Variants in SNX14 observed in about 807,000 individuals in gnomAD.
The protein encoded by SNX14 is sorting nexin-14.
Under a neutral mutation model 133.8 loss-of-function variants are expected in SNX14, and 93 were observed. The observed-to-expected ratio is 0.70, with a 90% CI of 0.59 to 0.83. The LOEUF is 0.83. SNX14 is among the 40% of genes least tolerant of loss of function. The pLI, the probability that SNX14 is intolerant of heterozygous loss-of-function variation, is 0.00. For synonymous variants in SNX14, 368 were observed against 365.6 expected (o/e 1.01, Z -0.07); for missense variants, 945 against 1,094.9 (o/e 0.86, Z 1.93).
chr6:85,527,881 A>C (rs1309642606), intron 20 of SNX14, among the ~76,000 whole-genome samples: 1 of 152,148 alleles, frequency 6.6e-6, no homozygotes, highest in African/African-American at 2.4e-5. Context: ...AAAAAGCTAA[A>C]CACAAAAATC....
In SNX14 at chr6:85,593,700, T is replaced by TCC. The variant is rs755497167; in HGVS notation, c.17_18dup (p.Thr7GlyfsTer7). ...CGCTGCTTCAGCTTCTGCCCCATCG[T>TCC]CCGCACCCAGGGCACCATCTCCGTA... On this transcript the variant is annotated frameshift_variant, in exon 1 of 29. Transcript: ENST00000314673. LOFTEE classifies it high-confidence loss of function. The TCC allele has an allele frequency of 2.5e-6, 4 of 1,613,528 alleles. No homozygotes were observed. The highest frequency in any genetic ancestry group is 3.4e-6 in the Non-Finnish European group (4 of 1,179,934).
At chr6:85,557,747 A>C (rs988566514) in intron 7 of SNX14, among the ~76,000 whole-genome samples, 1 of 152,240 alleles carries the variant, frequency 6.6e-6, no homozygotes, top group African/African-American at 2.4e-5. Flanking sequence ...TTACCATTCA[A>C]AACTGATTAA....
chr6:85,580,112 A>G (rs1798585854), intron 1 of SNX14, among the ~76,000 whole-genome samples: 1 of 152,162 alleles, frequency 6.6e-6, no homozygotes, highest in Non-Finnish European at 1.5e-5. Flanking sequence ...GAGAGGGGAA[A>G]GTAAAGATAA....
intron 26 of SNX14, among the ~76,000 whole-genome samples, chr6:85,508,671 TG>T (rs1238849109): frequency 1.3e-5 from 2 of 152,164 alleles, no homozygotes; most frequent in East Asian, 3.8e-4. Context: ...CCAATCATTT[TG>T]GGAAATATAA....
intron 1 of SNX14, 45 bp from the exon 2 acceptor site, chr6:85,574,423 T>C (rs1188842611): frequency 3.6e-6 from 5 of 1,384,696 alleles, no homozygotes; most frequent in Non-Finnish European, 4.9e-6. Flanking sequence ...AGAAAATGCC[T>C]AATTCTAAGT....
intron 27 of SNX14, 27 bp downstream of exon 27, chr6:85,507,941 G>T: frequency 6.3e-7 from 1 of 1,591,996 alleles, no homozygotes; most frequent in South Asian, 1.1e-5. Context: ...TAGCCAGCAT[G>T]AGTTTACGAG....
At chr6:85,541,919 A>G (rs1783879127) in intron 15 of SNX14, 66 bp downstream of exon 15, 2 of 1,207,680 alleles carry the variant, frequency 1.7e-6, no homozygotes, top group South Asian at 3.0e-5. Flanking sequence ...AATAGCTAAT[A>G]AAGACAATGA....
At chr6:85,548,976 T>TA (rs200157563) in intron 8 of SNX14, among the ~76,000 whole-genome samples, 18 of 61,370 alleles carry the variant, frequency 2.9e-4, no homozygotes, top group South Asian at 6.5e-4. Context: ...CAAAAATAAT[T>TA]AAAAAAAAAA....
chr6:85,546,172 A>C (rs1349419086), intron 12 of SNX14, among the ~76,000 whole-genome samples: 1 of 151,986 alleles, frequency 6.6e-6, no homozygotes, highest in African/African-American at 2.4e-5. Context: ...GAAAGAGTGG[A>C]TCTCTTGGGA....
At chr6:85,542,095 A>G in intron 14 of SNX14, 52 bp from the exon 15 acceptor site, 1 of 1,248,198 alleles carries the variant, frequency 8.0e-7, no homozygotes, top group Non-Finnish European at 1.1e-6. Flanking sequence ...AATTAACATT[A>G]AAACATGTTA....
chr6:85,547,380 T>G lies in SNX14; in HGVS notation c.930A>C (p.Glu310Asp). ...AGAATGGAACCAAAGGAGAAGCCGG[T>G]TCAGTTGCTTTTTCAGGCTTTGAAA... is the stretch of plus-strand genomic sequence containing the variant. ...IDDSPPEKAT[E>D]PASPLVPFLQ... is the part of the protein sequence containing the mutation. Residue 310 changes from glutamate (E) to aspartate (D), a missense_variant, in exon 11 of 29, where the codon GAA becomes GAC. Coordinates refer to ENST00000314673, the MANE Select transcript of SNX14 (RefSeq NM_153816.6). 6.2e-7 allele frequency: 1 copy of G among 1,613,500 alleles called. No individual in the cohort carries two copies. Among genetic ancestry groups the G allele is most frequent in the Non-Finnish European group, 8.5e-7 (1 of 1,179,922 alleles).
Position 85,526,406 on chromosome 6 carries a change from C to G in SNX14, c.1996-169G>C, listed in dbSNP as rs1489554626. 2.6e-5 allele frequency among the ~76,000 whole-genome samples: 4 copies of G among 152,008 alleles called. No homozygotes were observed. In the East Asian group the frequency reaches 7.7e-4, roughly 29 times the overall value. ...AAGAATATAGGATAGTAGGTAAGAC[C>G]TTGGCCTTTATAGTCAGATATGAAT... On this transcript the variant is annotated intron_variant, in intron 20 of 28. Coordinates refer to ENST00000314673, the MANE Select transcript of SNX14 (RefSeq NM_153816.6).
intron 7 of SNX14, among the ~76,000 whole-genome samples, chr6:85,552,032 C>CTTTTTT (rs71551482): frequency 3.5e-5 from 4 of 114,140 alleles, no homozygotes; most frequent in Admixed American, 9.4e-5. Flanking sequence ...TGTTGGGAAT[C>CTTTTTT]TTTTTTTTTT....
In SNX14 at chr6:85,530,429, G is replaced by A. The variant is rs4640862; in HGVS notation, c.1811-154C>T. Among the ~76,000 whole-genome samples, 70,373 of 151,974 alleles carry A rather than the reference G, an allele frequency of 0.46. 17,706 individuals carry two copies. The highest frequency in any genetic ancestry group is 0.59 in the Middle Eastern group (173 of 294). On this transcript the variant is annotated intron_variant, in intron 18 of 28. Transcript: ENST00000314673. ...GGAGGCCAAGGTGGGTGGATCATTT[G>A]AGGTCAGGAGTTCGAGGCCAGTCTT...
rs757425175 is a variant in SNX14, at chr6:85,574,315, T to C, written c.204A>G (p.Ser68=). 5 of 1,594,682 alleles carry C rather than the reference T, an allele frequency of 3.1e-6. No individual in the cohort carries two copies. The highest frequency in any genetic ancestry group is 3.4e-5 in the Admixed American group (2 of 59,700). ...TTGGTAAGAGAGAATCAGGTCCTAG[T>C]GAGCAGTAGAATGTGACAACTCCAG... The part of the protein sequence containing the change: ...FVAGVVTFYC[S]LGPDSLLPNI... The change falls in exon 2 of 29, where the codon TCA becomes TCG. Residue 68 remains serine (S), a synonymous_variant. Transcript: ENST00000314673.
chr6:85,533,560 T>G lies in SNX14; in HGVS notation c.1810+39A>C, dbSNP rs548852808. 15 of 1,586,226 alleles carry G rather than the reference T, an allele frequency of 9.5e-6. No individual in the cohort carries two copies. The Admixed American group carries it at 2.6e-4, about 27-fold the overall frequency. The stretch of plus-strand genomic sequence containing the variant: ...TACCTGATAACAACAGACTCATTCA[T>G]GGGCATCTTTTAAGAAAGGTGCTCA... On this transcript the variant is annotated intron_variant, in intron 18 of 28. Coordinates refer to ENST00000314673, the MANE Select transcript of SNX14 (RefSeq NM_153816.6).
intron 26 of SNX14, among the ~76,000 whole-genome samples, chr6:85,511,845 T>G (rs539904658): frequency 6.6e-6 from 1 of 152,228 alleles, no homozygotes; most frequent in East Asian, 1.9e-4. Context: ...GCCTTTAATA[T>G]GTCTTGTAAT....
intron 17 of SNX14, among the ~76,000 whole-genome samples, chr6:85,535,898 C>T (rs998595809): frequency 2.0e-5 from 3 of 151,990 alleles, no homozygotes; most frequent in Non-Finnish European, 4.4e-5. Context: ...TTCTTAAAGC[C>T]GAGGTCTACG....
intron 26 of SNX14, among the ~76,000 whole-genome samples, chr6:85,508,877 T>A (rs1771737973): frequency 6.6e-6 from 1 of 152,196 alleles, no homozygotes; most frequent in Non-Finnish European, 1.5e-5. Flanking sequence ...TTTATCCTTT[T>A]TCCCCTATCA....
Sources: gnomAD v4.1 joint callset for allele counts (sites outside exome capture counted in the v4.1 genomes callset) on GRCh38, gnomAD v4.1.1 for gene constraint, MANE v1.5 for transcripts, NCBI Gene and HGNC (gene_info 2026-07-23, HGNC 2026-07-21) for gene names.